ARHGAP21: variants seen among roughly 807,000 people sequenced by gnomAD.
ARHGAP21 encodes Rho GTPase activating protein 21.
Under a neutral mutation model 164.6 loss-of-function variants are expected in ARHGAP21, and 38 were observed. That is an observed-to-expected ratio of 0.23 (90% CI 0.18 to 0.30). ARHGAP21 has a LOEUF of 0.30. Among genes scored for constraint, ARHGAP21 ranks in the 10% least tolerant of loss-of-function variants. The pLI is 1.00. For missense variants in ARHGAP21, 1,822 were observed against 2,370.7 expected (o/e 0.77, Z 4.81); for synonymous variants, 766 against 857.9 (o/e 0.89, Z 1.87).
At chr10:24,638,650 C>T (rs1449224521) in intron 4 of ARHGAP21, among the ~76,000 whole-genome samples, 3 of 152,210 alleles carry the variant, frequency 2.0e-5, no homozygotes, top group Non-Finnish European at 4.4e-5. Context: ...TTTATAACTT[C>T]TCAATTTTTT....
At chr10:24,713,859 A>G (rs1218524152) in intron 2 of ARHGAP21, among the ~76,000 whole-genome samples, 1 of 152,230 alleles carries the variant, frequency 6.6e-6, no homozygotes, top group Non-Finnish European at 1.5e-5. Flanking sequence ...CATCCAGATT[A>G]GATTGTGAAA....
intron 7 of ARHGAP21, among the ~76,000 whole-genome samples, chr10:24,628,862 C>CATATATACATACATATATACACAT (rs1441996414): frequency 9.6e-5 from 12 of 125,342 alleles, no homozygotes; most frequent in East Asian, 6.6e-4. Flanking sequence ...TATATATACA[C>CATATATACATACATATATACACAT]ATATATACAT....
At chr10:24,714,585 C>G (rs1451716248) in intron 2 of ARHGAP21, among the ~76,000 whole-genome samples, 2 of 152,168 alleles carry the variant, frequency 1.3e-5, no homozygotes, top group Non-Finnish European at 1.5e-5. Flanking sequence ...TTAACCCTAA[C>G]TTGCAGCATA....
chr10:24,672,261 T>G (rs1488050510), intron 2 of ARHGAP21, among the ~76,000 whole-genome samples: 1 of 152,102 alleles, frequency 6.6e-6, no homozygotes, highest in East Asian at 1.9e-4. Flanking sequence ...AATTCTCAGT[T>G]CTCATCTTAT....
At chr10:24,600,589 T>C in intron 14 of ARHGAP21, 57 bp downstream of exon 14, 9 of 1,556,006 alleles carry the variant, frequency 5.8e-6, no homozygotes, top group Non-Finnish European at 7.8e-6. Flanking sequence ...CCTTAGATCT[T>C]TGTAAGAAAG....
intron 2 of ARHGAP21, among the ~76,000 whole-genome samples, chr10:24,717,628 T>C (rs1322949582): frequency 1.3e-5 from 2 of 152,036 alleles, no homozygotes; most frequent in Admixed American, 6.5e-5. Context: ...AGGAGTTCAA[T>C]CTAGGAAGAA....
intron 4 of ARHGAP21, among the ~76,000 whole-genome samples, chr10:24,641,935 G>T (rs189956040): frequency 9.9e-5 from 15 of 151,664 alleles, no homozygotes; most frequent in Admixed American, 2.6e-4. Context: ...GGTGGAGGTT[G>T]CAGTGAGCCT....
chr10:24,702,571 GT>G (rs370319943), intron 2 of ARHGAP21, among the ~76,000 whole-genome samples: 9 of 146,310 alleles, frequency 6.2e-5, no homozygotes, highest in Admixed American at 2.1e-4. Flanking sequence ...TTGTTTTAAG[GT>G]TTTTTTTTTG....
chr10:24,706,303 T>G (rs1844219204), intron 2 of ARHGAP21, among the ~76,000 whole-genome samples: 1 of 152,184 alleles, frequency 6.6e-6, no homozygotes, highest in Admixed American at 6.5e-5. Context: ...CTGTGCTACT[T>G]AAGAATTAAC....
intron 6 of ARHGAP21, among the ~76,000 whole-genome samples, chr10:24,631,375 T>A (rs1593099872): frequency 6.7e-6 from 1 of 148,756 alleles, no homozygotes; most frequent in African/African-American, 2.5e-5. Context: ...AAAAAAGAAA[T>A]AATAAAATAA....
intron 2 of ARHGAP21, among the ~76,000 whole-genome samples, chr10:24,697,860 CAAAAAAATAAAAAAATA>C (rs1205909207): frequency 1.3e-5 from 2 of 149,742 alleles, no homozygotes. Flanking sequence ...AACTCCATCT[CAAAAAAATAAAAAAATA>C]AAAAAAATAA....
chr10:24,689,564 AC>A (rs2131989429), intron 2 of ARHGAP21, among the ~76,000 whole-genome samples: 1 of 152,068 alleles, frequency 6.6e-6, no homozygotes, highest in Non-Finnish European at 1.5e-5. Flanking sequence ...ATATGGCAAA[AC>A]CCCATCTCTA....
intron 2 of ARHGAP21, among the ~76,000 whole-genome samples, chr10:24,712,735 T>TA (rs954156448): frequency 1.1e-4 from 17 of 150,882 alleles, no homozygotes; most frequent in African/African-American, 1.7e-4. Flanking sequence ...TATGATTAAA[T>TA]AAAAAAAAAG....
intron 2 of ARHGAP21, among the ~76,000 whole-genome samples, chr10:24,704,396 T>C (rs1215391919): frequency 6.7e-6 from 1 of 150,240 alleles, no homozygotes; most frequent in Admixed American, 6.7e-5. Context: ...GCTCAGGTGA[T>C]CCTCCCACCT....
Position 24,642,116 on chromosome 10 carries a change from T to C in ARHGAP21, c.269-7013A>G, listed in dbSNP as rs1173805121. 2.6e-5 allele frequency among the ~76,000 whole-genome samples: 4 copies of C among 152,316 alleles called. No individual in the cohort carries two copies. In the East Asian group the frequency reaches 5.8e-4, roughly 22 times the overall value. On this transcript the variant is annotated intron_variant, in intron 4 of 25. Transcript: ENST00000396432. ...ACATTTTCAATCTTGTCTTGTTTCA[T>C]TGAAACCCACCCACTTTAAAACATT...
chr10:24,626,404 G>A (rs1593076235), intron 7 of ARHGAP21, among the ~76,000 whole-genome samples: 1 of 152,296 alleles, frequency 6.6e-6, no homozygotes, highest in African/African-American at 2.4e-5. Context: ...CATGAGGGTA[G>A]ACCTCATGTA....
rs901265529 is a variant in ARHGAP21, at chr10:24,590,940, TAAAAAAAAAA to T, written c.4150+275_4150+284del. The T allele has an allele frequency of 1.4e-5, 10 of 739,586 alleles. No homozygotes were observed. In the Admixed American group the frequency reaches 6.6e-4, roughly 49 times the overall value. 45.8% of individuals were successfully genotyped at this position (739,586 alleles called of 1,614,324 possible). ...TGACTATTACATGGAAACTGTGAAT[TAAAAAAAAAA>T]AAAAAAAAAAGAACAAAACAGTGGT... is the stretch of plus-strand genomic sequence containing the variant. On this transcript the variant is annotated intron_variant, in intron 24 of 25. Coordinates refer to ENST00000396432, the MANE Select transcript of ARHGAP21 (RefSeq NM_020824.4).
chr10:24,641,968 C>T (rs1279948996), intron 4 of ARHGAP21, among the ~76,000 whole-genome samples: 1 of 150,952 alleles, frequency 6.6e-6, no homozygotes, highest in African/African-American at 2.4e-5. Context: ...TGCACTCCAG[C>T]CTGGGTGACA....
At chr10:24,702,307 A>AT (rs1331316280) in intron 2 of ARHGAP21, among the ~76,000 whole-genome samples, 1 of 150,646 alleles carries the variant, frequency 6.6e-6, no homozygotes, top group African/African-American at 2.4e-5. Context: ...ATTTTTTTGT[A>AT]TTTTTAGTAG....
Sources: gnomAD v4.1 joint callset for allele counts (sites outside exome capture counted in the v4.1 genomes callset) on GRCh38, gnomAD v4.1.1 for gene constraint, MANE v1.5 for transcripts, NCBI Gene and HGNC (gene_info 2026-07-23, HGNC 2026-07-21) for gene names.